Variants in ENPEP observed in about 807,000 individuals in gnomAD.
ENPEP encodes the protein glutamyl aminopeptidase, also known as AP-A.
A neutral mutation model predicts 114.5 loss-of-function variants in ENPEP; 103 were observed. The ratio of observed to expected loss-of-function variants is 0.90; its 90% confidence interval spans 0.77 to 1.06. ENPEP has a LOEUF of 1.06. Ranked by LOEUF, ENPEP falls within the 50% of genes least tolerant of loss-of-function variation. The pLI, the probability that ENPEP is intolerant of heterozygous loss-of-function variation, is 0.00. For missense variants in ENPEP, 1,196 were observed against 1,161.3 expected (o/e 1.03, Z -0.43); for synonymous variants, 420 against 422.0 (o/e 1.00, Z 0.06).
intron 11 of ENPEP, among the ~76,000 whole-genome samples, chr4:110,533,852 A>C (rs1422849032): frequency 6.6e-6 from 1 of 152,240 alleles, no homozygotes; most frequent in African/African-American, 2.4e-5. Context: ...CTGGATCTAC[A>C]GCAGGCATCT....
At position 110,491,146 on chromosome 4, in the gene ENPEP, A is replaced by G. The variant is rs760098554; in HGVS notation, c.900A>G (p.Ile300Met). The G allele has an allele frequency of 1.9e-6, 3 of 1,607,150 alleles. No homozygotes were observed. Residue 300 changes from isoleucine to methionine, a missense_variant, in exon 3 of 20, where the codon ATA becomes ATG. Physicochemically the swap from Ile to Met is conservative, Grantham distance 10 (BLOSUM62 1). Transcript: ENST00000265162. ...AVHQFDSVKR[I>M]SNSGKPLTIY... Reference sequence around the variant, plus strand: ...ATCAATTTGACTCTGTAAAGAGAATATCAAATAGTGGAAAACCTGTGAGTC... The same window carrying G: ...ATCAATTTGACTCTGTAAAGAGAATGTCAAATAGTGGAAAACCTGTGAGTC...
At chr4:110,514,755 A>T (rs1002256582) in intron 7 of ENPEP, among the ~76,000 whole-genome samples, 1 of 152,094 alleles carries the variant, frequency 6.6e-6, no homozygotes, top group East Asian at 1.9e-4. Context: ...AAAATATTAC[A>T]AATTGTGCAT....
At chr4:110,530,886 G>C (rs1211974508) in intron 10 of ENPEP, among the ~76,000 whole-genome samples, 1 of 152,144 alleles carries the variant, frequency 6.6e-6, no homozygotes, top group African/African-American at 2.4e-5. Flanking sequence ...ATAATAAGAT[G>C]TATTATATTT....
In ENPEP at chr4:110,559,743, T is replaced by C; in HGVS notation, c.2721+18T>C. On this transcript the variant is annotated intron_variant, in intron 19 of 19. Coordinates refer to ENST00000265162, the MANE Select transcript of ENPEP (RefSeq NM_001977.4). Reference sequence around the variant, plus strand: ...TGTGGCAGGTATGAAGATAAATTCCTCTGCATTTGTCCAAGAAGGAGCAGA... The same window carrying C: ...TGTGGCAGGTATGAAGATAAATTCCCCTGCATTTGTCCAAGAAGGAGCAGA... 1 of 1,593,458 alleles carries C rather than the reference T, an allele frequency of 6.3e-7. No homozygotes were observed. Among genetic ancestry groups the C allele is most frequent in the Admixed American group, 1.7e-5 (1 of 59,512 alleles).
intron 3 of ENPEP, among the ~76,000 whole-genome samples, chr4:110,503,494 A>G (rs765423054): frequency 6.6e-6 from 1 of 152,226 alleles, no homozygotes; most frequent in Admixed American, 6.5e-5. Context: ...ATGGTTCTCA[A>G]TGGAATCTCA....
At chr4:110,546,175 G>T (rs1157164393) in intron 13 of ENPEP, among the ~76,000 whole-genome samples, 1 of 151,964 alleles carries the variant, frequency 6.6e-6, no homozygotes, top group East Asian at 1.9e-4. Flanking sequence ...CTGGTGGTGG[G>T]CTATCAGCAA....
Position 110,542,890 on chromosome 4 carries a change from A to G in ENPEP, c.1944+3A>G. 3.1e-6 allele frequency: 5 copies of G among 1,611,802 alleles called. No homozygotes were observed. The highest frequency in any genetic ancestry group is 4.2e-6 in the Non-Finnish European group (5 of 1,179,010). ...CAGCGCTCTCCTTGAACCACAAGGTAAGAGATAGCAATGGTTGGAAACTTT... is the reference window on the plus strand; with the variant it reads ...CAGCGCTCTCCTTGAACCACAAGGTGAGAGATAGCAATGGTTGGAAACTTT... On this transcript the variant is annotated splice_donor_region_variant and intron_variant, in intron 12 of 19. Coordinates refer to ENST00000265162, the MANE Select transcript of ENPEP (RefSeq NM_001977.4).
At chr4:110,545,500 G>C (rs999174752) in intron 13 of ENPEP, among the ~76,000 whole-genome samples, 3 of 152,014 alleles carry the variant, frequency 2.0e-5, no homozygotes, top group African/African-American at 7.2e-5. Context: ...TGGGAATGGG[G>C]TGATTGATTT....
At chr4:110,485,826 T>G (rs1381757698) in intron 1 of ENPEP, among the ~76,000 whole-genome samples, 5 of 147,298 alleles carry the variant, frequency 3.4e-5, no homozygotes, top group East Asian at 3.9e-4. Flanking sequence ...AAGTTTTTTG[T>G]TTTTTTTTTT....
At chr4:110,539,550 G>GC (rs1553918887) in intron 11 of ENPEP, among the ~76,000 whole-genome samples, 1 of 151,512 alleles carries the variant, frequency 6.6e-6, no homozygotes, top group Non-Finnish European at 1.5e-5. Flanking sequence ...TCTTTCAGTT[G>GC]TTTTTTTTGC....
chr4:110,515,319 A>G (rs887217473), intron 7 of ENPEP, 58 bp from the exon 8 acceptor site: 60 of 1,398,728 alleles, frequency 4.3e-5, no homozygotes, highest in Non-Finnish European at 5.9e-5. Flanking sequence ...GTAATAACTG[A>G]TCATTGTTCC....
At chr4:110,501,423 C>T (rs1725152325) in intron 3 of ENPEP, among the ~76,000 whole-genome samples, 1 of 152,070 alleles carries the variant, frequency 6.6e-6, no homozygotes, top group Non-Finnish European at 1.5e-5. Context: ...TTTTCTCATT[C>T]TCACCCTCCT....
Position 110,502,895 on chromosome 4 carries a change from C to T in ENPEP, c.919-3742C>T, listed in dbSNP as rs116878936. On this transcript the variant is annotated intron_variant, in intron 3 of 19. Coordinates refer to ENST00000265162, the MANE Select transcript of ENPEP (RefSeq NM_001977.4). ...TTTAACAATATTGATTCTTCTTATT[C>T]GATGTTTTCTTTTTTTTTAATTATT... 3.5e-3 allele frequency among the ~76,000 whole-genome samples: 527 copies of T among 151,810 alleles called. 19 individuals carry two copies. The South Asian group carries it at 0.045, about 13-fold the overall frequency.
chr4:110,484,916 C>CGCAT (rs1553916362), intron 1 of ENPEP, among the ~76,000 whole-genome samples: 1 of 123,618 alleles, frequency 8.1e-6, no homozygotes, highest in Non-Finnish European at 1.9e-5. Flanking sequence ...GTGTGGTGCG[C>CGCAT]GCATGCACGC....
intron 1 of ENPEP, 111 bp downstream of exon 1, chr4:110,477,169 T>A: frequency 2.9e-6 from 4 of 1,391,978 alleles, no homozygotes; most frequent in Non-Finnish European, 3.8e-6. Flanking sequence ...CTGATATTGA[T>A]CGGCTCTTGG....
At chr4:110,560,828 G>T (rs1206726002) in intron 19 of ENPEP, among the ~76,000 whole-genome samples, 3 of 152,182 alleles carry the variant, frequency 2.0e-5, no homozygotes, top group African/African-American at 7.2e-5. Context: ...TTCAATATCT[G>T]TGTGTTAGAT....
intron 11 of ENPEP, 87 bp from the exon 12 acceptor site, chr4:110,542,664 A>G: frequency 7.7e-7 from 1 of 1,304,860 alleles, no homozygotes; most frequent in Non-Finnish European, 1.0e-6. Context: ...CTTTTCTTTT[A>G]TTTTCTTTTT....
Position 110,510,233 on chromosome 4 carries a change from TTA to T in ENPEP, c.1195-9_1195-8del. The T allele has an allele frequency of 1.2e-6, 2 of 1,601,454 alleles. No individual in the cohort carries two copies. Among genetic ancestry groups the T allele is most frequent in the Non-Finnish European group, 1.7e-6 (2 of 1,168,436 alleles). On this transcript the variant is annotated splice_polypyrimidine_tract_variant and intron_variant, in intron 5 of 19. Coordinates refer to ENST00000265162, the MANE Select transcript of ENPEP (RefSeq NM_001977.4). The stretch of plus-strand genomic sequence containing the variant: ...AAGAATGTAATTATCTCTTTATTGC[TTA>T]TAATTTCAGTGGTTTGGAAATATTG...
intron 17 of ENPEP, 88 bp downstream of exon 17, chr4:110,549,974 G>A (rs1727227462): frequency 7.9e-7 from 1 of 1,273,330 alleles, no homozygotes; most frequent in Non-Finnish European, 1.1e-6. Flanking sequence ...AAAGTATGAT[G>A]TTTTGTTTCC....
Sources: allele counts gnomAD v4.1 joint callset (sites outside exome capture counted in the v4.1 genomes callset), GRCh38; gene constraint gnomAD v4.1.1; transcripts MANE v1.5; gene names NCBI Gene and HGNC (gene_info 2026-07-23, HGNC 2026-07-21).